Variants in AGBL4 observed in about 807,000 individuals in gnomAD.
The protein encoded by AGBL4 is AGBL carboxypeptidase 4, also known as cytosolic carboxypeptidase 6.
In AGBL4, 58 loss-of-function variants were observed where a neutral mutation model predicts 66.4. The ratio of observed to expected loss-of-function variants is 0.87; its 90% CI spans 0.71 to 1.09. AGBL4 has a LOEUF of 1.09. Ranked by LOEUF, AGBL4 falls within the 50% of genes least tolerant of loss-of-function variation. The pLI is 0.00. For synonymous variants in AGBL4, 234 were observed against 222.9 expected (o/e 1.05, Z -0.44); for missense variants, 579 against 631.0 (o/e 0.92, Z 0.88).
chr1:49,002,993 G>A (rs1661506353), intron 5 of AGBL4, among the ~76,000 whole-genome samples: 1 of 152,220 alleles, frequency 6.6e-6, no homozygotes, highest in South Asian at 2.1e-4. Flanking sequence ...ATGGACTGAA[G>A]CAAGGTCATT....
chr1:49,012,473 G>T (rs1461741193), intron 5 of AGBL4, among the ~76,000 whole-genome samples: 3 of 152,170 alleles, frequency 2.0e-5, no homozygotes, highest in Admixed American at 2.0e-4. Flanking sequence ...TAACATAAGA[G>T]CATGTAGTTG....
At chr1:49,293,192 G>T (rs1490342316) in intron 3 of AGBL4, among the ~76,000 whole-genome samples, 1 of 152,198 alleles carries the variant, frequency 6.6e-6, no homozygotes, top group Non-Finnish European at 1.5e-5. Context: ...GGCACTTGGA[G>T]CTGCCTGCCT....
At chr1:49,583,322 C>T (rs574044869) in intron 3 of AGBL4, among the ~76,000 whole-genome samples, 1 of 152,268 alleles carries the variant, frequency 6.6e-6, no homozygotes, top group East Asian at 1.9e-4. Context: ...GTGCTCAGGA[C>T]GCTTCCAGAC....
chr1:49,892,956 G>T (rs1399966547), intron 1 of AGBL4, among the ~76,000 whole-genome samples: 2 of 151,772 alleles, frequency 1.3e-5, no homozygotes, highest in Non-Finnish European at 2.9e-5. Context: ...CTAATACTTT[G>T]CAGTTTTGTT....
intron 2 of AGBL4, among the ~76,000 whole-genome samples, chr1:49,773,184 C>A (rs1379942241): frequency 6.6e-6 from 1 of 152,044 alleles, no homozygotes; most frequent in Admixed American, 6.6e-5. Flanking sequence ...TTGTTTGGCT[C>A]TTTTTTATGA....
intron 1 of AGBL4, among the ~76,000 whole-genome samples, chr1:49,912,477 T>C (rs948245345): frequency 1.4e-4 from 22 of 152,328 alleles, no homozygotes; most frequent in African/African-American, 4.8e-4. Flanking sequence ...TTATTCAAAG[T>C]GTTTTATAAA....
At chr1:49,643,612 C>A (rs893324532) in intron 3 of AGBL4, among the ~76,000 whole-genome samples, 2 of 151,500 alleles carry the variant, frequency 1.3e-5, no homozygotes, top group African/African-American at 4.8e-5. Flanking sequence ...CACATGGTAA[C>A]AAATTTAAGA....
intron 3 of AGBL4, among the ~76,000 whole-genome samples, chr1:49,493,996 A>AT (rs1170175086): frequency 1.3e-5 from 2 of 151,914 alleles, no homozygotes; most frequent in African/African-American, 4.8e-5. Context: ...AAAGGTAAAG[A>AT]TAAGACTTTC....
intron 4 of AGBL4, among the ~76,000 whole-genome samples, chr1:49,204,841 C>T (rs1648004823): frequency 6.6e-6 from 1 of 152,062 alleles, no homozygotes; most frequent in Admixed American, 6.6e-5. Flanking sequence ...GCTATGAGTG[C>T]TATTCAGATG....
intron 1 of AGBL4, among the ~76,000 whole-genome samples, chr1:49,983,373 A>G (rs1659235665): frequency 1.3e-5 from 2 of 152,228 alleles, no homozygotes; most frequent in African/African-American, 4.8e-5. Context: ...CCTCACAGAG[A>G]GCCAGCACCT....
chr1:49,331,177 TACTC>T (rs1211933674), intron 3 of AGBL4, among the ~76,000 whole-genome samples: 5 of 152,152 alleles, frequency 3.3e-5, no homozygotes, highest in Non-Finnish European at 4.4e-5. Context: ...GAGGTTTACT[TACTC>T]CTACCCCAGG....
chr1:49,058,473 C>T (rs2147904335), intron 4 of AGBL4, among the ~76,000 whole-genome samples: 1 of 152,300 alleles, frequency 6.6e-6, no homozygotes, highest in African/African-American at 2.4e-5. Context: ...TTTTAAGTTT[C>T]CTGCAGCCTT....
chr1:48,536,011 T>C (rs1643965029), intron 12 of AGBL4, among the ~76,000 whole-genome samples: 1 of 152,018 alleles, frequency 6.6e-6, no homozygotes, highest in Non-Finnish European at 1.5e-5. Flanking sequence ...AAGCCAGACA[T>C]GCATAGAAGC....
At chr1:49,093,752 C>T (rs916769180) in intron 4 of AGBL4, among the ~76,000 whole-genome samples, 1 of 152,104 alleles carries the variant, frequency 6.6e-6, no homozygotes, top group South Asian at 2.1e-4. Flanking sequence ...AAAACCAAAA[C>T]CTAGGTTCTT....
At chr1:49,283,934 GA>G (rs1271388692) in intron 3 of AGBL4, among the ~76,000 whole-genome samples, 3 of 149,718 alleles carry the variant, frequency 2.0e-5, no homozygotes, top group Non-Finnish European at 4.4e-5. Flanking sequence ...AACCAAGTTG[GA>G]AAACACTCTG....
At chr1:48,899,234 T>A (rs1651852257) in intron 5 of AGBL4, among the ~76,000 whole-genome samples, 1 of 152,186 alleles carries the variant, frequency 6.6e-6, no homozygotes, top group Non-Finnish European at 1.5e-5. Context: ...GCCACACCTG[T>A]GCGGGCGAGG....
chr1:49,139,686 GA>G (rs1438406091), intron 4 of AGBL4, among the ~76,000 whole-genome samples: 2 of 152,198 alleles, frequency 1.3e-5, no homozygotes, highest in Non-Finnish European at 2.9e-5. Flanking sequence ...ATGGATGGAT[GA>G]ATATGAGGAT....
At chr1:49,378,944 T>A (rs1644530302) in intron 3 of AGBL4, among the ~76,000 whole-genome samples, 1 of 152,050 alleles carries the variant, frequency 6.6e-6, no homozygotes, top group Admixed American at 6.6e-5. Context: ...AAGGTTTTTT[T>A]TAAAAGGAAG....
chr1:48,847,511 T>G (rs551937258), intron 6 of AGBL4, among the ~76,000 whole-genome samples: 10 of 152,228 alleles, frequency 6.6e-5, no homozygotes, highest in East Asian at 5.8e-4. Flanking sequence ...AATCTTAGCT[T>G]CTTCTTCTCT....
Sources: allele counts gnomAD v4.1 joint callset (sites outside exome capture counted in the v4.1 genomes callset), GRCh38; gene constraint gnomAD v4.1.1; transcripts MANE v1.5; gene names NCBI Gene and HGNC (gene_info 2026-07-23, HGNC 2026-07-21).